The following SPARCL1 variants were observed in gnomAD, a reference collection of about 807,000 sequenced individuals.
The protein encoded by SPARCL1 is SPARC-like protein 1.
A neutral mutation model predicts 67.1 loss-of-function variants in SPARCL1; 52 were observed. The observed-to-expected ratio is 0.78, with a 90% CI of 0.62 to 0.98. The LOEUF is 0.98. Ranked by LOEUF, SPARCL1 falls within the 50% of genes least tolerant of loss-of-function variation. The probability of loss-of-function intolerance (pLI) is 0.00; values close to 1 mark genes in which losing one functional copy is unlikely to be tolerated. For missense variants in SPARCL1, 717 were observed against 782.4 expected (o/e 0.92, Z 1.00); for synonymous variants, 226 against 267.8 (o/e 0.84, Z 1.52).
chr4:87,483,162 A>T (rs773840024), intron 7 of SPARCL1, among the ~76,000 whole-genome samples: 3 of 151,496 alleles, frequency 2.0e-5, no homozygotes, highest in Non-Finnish European at 4.4e-5. Flanking sequence ...AGGTATACAC[A>T]TGCCATAGTG....
intron 7 of SPARCL1, among the ~76,000 whole-genome samples, chr4:87,489,785 G>A (rs1417506112): frequency 2.6e-5 from 4 of 152,188 alleles, no homozygotes; most frequent in African/African-American, 9.7e-5. Flanking sequence ...AAACATTAGT[G>A]AGCACTGCTA....
intron 1 of SPARCL1, among the ~76,000 whole-genome samples, chr4:87,526,462 C>G (rs1726046767): frequency 6.6e-6 from 1 of 152,176 alleles, no homozygotes; most frequent in African/African-American, 2.4e-5. Flanking sequence ...AGGTGCTATA[C>G]TTGGCATTTA....
intron 10 of SPARCL1, among the ~76,000 whole-genome samples, chr4:87,478,589 C>T (rs965564974): frequency 6.6e-6 from 1 of 151,994 alleles, no homozygotes; most frequent in African/African-American, 2.4e-5. Context: ...AGGCGTGTGC[C>T]ACCAAGCCCG....
At chr4:87,478,962 C>T (rs531636146) in intron 10 of SPARCL1, among the ~76,000 whole-genome samples, 1 of 152,256 alleles carries the variant, frequency 6.6e-6, no homozygotes, top group Admixed American at 6.5e-5. Flanking sequence ...TATCCCAGCA[C>T]TAATTGTGAT....
intron 1 of SPARCL1, among the ~76,000 whole-genome samples, chr4:87,522,617 G>A (rs1379448091): frequency 1.4e-5 from 2 of 145,692 alleles, no homozygotes; most frequent in African/African-American, 2.6e-5. Context: ...TCCAGCACCC[G>A]CTCCTCCCAG....
At chr4:87,508,517 T>C (rs756088383) in intron 1 of SPARCL1, among the ~76,000 whole-genome samples, 1 of 152,078 alleles carries the variant, frequency 6.6e-6, no homozygotes, top group Non-Finnish European at 1.5e-5. Context: ...GGCCTCTCCA[T>C]GCAACATTCC....
intron 2 of SPARCL1, among the ~76,000 whole-genome samples, chr4:87,497,867 T>C (rs1724686563): frequency 1.3e-5 from 2 of 152,144 alleles, no homozygotes; most frequent in African/African-American, 4.8e-5. Context: ...GGATCCTCCC[T>C]CCTGTGCCTC....
At chr4:87,516,576 T>C (rs1420424417) in intron 1 of SPARCL1, among the ~76,000 whole-genome samples, 2 of 152,168 alleles carry the variant, frequency 1.3e-5, no homozygotes, top group African/African-American at 4.8e-5. Flanking sequence ...CTCCCATCTG[T>C]GACCCTCACC....
intron 7 of SPARCL1, among the ~76,000 whole-genome samples, chr4:87,488,760 C>T (rs756996356): frequency 1.8e-4 from 28 of 152,204 alleles, no homozygotes; most frequent in Admixed American, 2.0e-4. Flanking sequence ...ACTGGGGCTG[C>T]TGCCTTACTT....
At chr4:87,479,245 G>T (rs1409803777) in intron 10 of SPARCL1, among the ~76,000 whole-genome samples, 185 bp downstream of exon 10, 2 of 152,190 alleles carry the variant, frequency 1.3e-5, no homozygotes, top group Non-Finnish European at 2.9e-5. Flanking sequence ...GTGCCATAAA[G>T]GTAGTAAGAA....
chr4:87,480,412 G>A lies in SPARCL1; in HGVS notation c.1777C>T (p.His593Tyr), dbSNP rs773995890. ...TGGTCAAGTTCACTAAACTGCCAGT[G>A]CACAGGATACACATACATGTGGTAG... The part of the protein sequence containing the change: ...KNYHMYVYPV[H>Y]WQFSELDQHP... Residue 593 changes from histidine to tyrosine, a missense_variant, in exon 9 of 11, where the codon CAC (histidine) becomes TAC (tyrosine). His to Tyr is a moderately conservative substitution (Grantham distance 83). Transcript: ENST00000282470. 5 of 1,611,316 alleles carry A rather than the reference G, an allele frequency of 3.1e-6. No individual in the cohort carries two copies. The highest frequency in any genetic ancestry group is 4.2e-6 in the Non-Finnish European group (5 of 1,178,672).
intron 9 of SPARCL1, 29 bp downstream of exon 9, chr4:87,480,343 C>T: frequency 1.3e-6 from 2 of 1,526,190 alleles, no homozygotes; most frequent in Non-Finnish European, 1.8e-6. Context: ...AGAGATAAAT[C>T]TAGAAATGGA....
At chr4:87,494,837 G>C in intron 3 of SPARCL1, 144 bp downstream of exon 3, 1 of 778,056 alleles carries the variant, frequency 1.3e-6, no homozygotes. Context: ...CATTCTTCTA[G>C]TGATTGGAGG....
intron 2 of SPARCL1, chr4:87,497,156 A>G: frequency 3.1e-6 from 3 of 970,386 alleles, no homozygotes; most frequent in Non-Finnish European, 3.7e-6. Flanking sequence ...TGCTGGGATT[A>G]CAGATGTGAG....
chr4:87,515,111 A>G (rs1157293818), intron 1 of SPARCL1, among the ~76,000 whole-genome samples: 4 of 152,260 alleles, frequency 2.6e-5, no homozygotes, highest in Non-Finnish European at 5.9e-5. Context: ...AATATGCAGT[A>G]TTGATGTGAA....
Position 87,482,406 on chromosome 4 carries a change from A to C in SPARCL1, c.1668+18T>G. 2 of 1,611,304 alleles carry C rather than the reference A, an allele frequency of 1.2e-6. No homozygotes were observed. The highest frequency in any genetic ancestry group is 1.7e-6 in the Non-Finnish European group (2 of 1,179,578). ...CCTGTAGACAGACATTGAAGAAGCT[A>C]ACCTGTGGATAACTTACTTTATTTC... On this transcript the variant is annotated intron_variant, in intron 8 of 10. Transcript: ENST00000282470.
intron 10 of SPARCL1, among the ~76,000 whole-genome samples, chr4:87,475,819 T>G (rs1723561611): frequency 6.6e-6 from 1 of 152,294 alleles, no homozygotes; most frequent in Admixed American, 6.5e-5. Flanking sequence ...GGAAAGCAGT[T>G]TGAAGATTTC....
rs7673858 is a variant in SPARCL1 at position 87,506,824 on chromosome 4, T to C, written c.-11-7239A>G. On this transcript the variant is annotated intron_variant, in intron 1 of 10. Transcript: ENST00000282470. ...ATCTATCTATCTATCTATCTATCTA[T>C]CTACCTACCTACCTACCTACCTATC... 3.2e-3 allele frequency among the ~76,000 whole-genome samples: 357 copies of C among 113,242 alleles called. 3 individuals are homozygous for C. Among genetic ancestry groups the C allele is most frequent in the African/African-American group, 8.4e-3 (265 of 31,426 alleles). The allele number at this position is 113,242 out of a possible 152,430, so 74.3% of individuals were successfully genotyped here.
intron 1 of SPARCL1, among the ~76,000 whole-genome samples, chr4:87,500,512 T>C (rs138487509): frequency 6.6e-6 from 1 of 152,228 alleles, no homozygotes; most frequent in East Asian, 1.9e-4. Context: ...GTCTGACCTG[T>C]AACTGGGATT....
Sources: allele counts gnomAD v4.1 joint callset (sites outside exome capture counted in the v4.1 genomes callset), GRCh38; gene constraint gnomAD v4.1.1; transcripts MANE v1.5; gene names NCBI Gene and HGNC (gene_info 2026-07-23, HGNC 2026-07-21).